CLCN5: variants seen among roughly 807,000 people sequenced by gnomAD.
The protein encoded by CLCN5 is H(+)/Cl(-) exchange transporter 5.
Under a neutral mutation model 54.0 loss-of-function variants are expected in CLCN5, and 17 were observed. The ratio of observed to expected loss-of-function variants is 0.31; its 90% CI spans 0.22 to 0.47. The LOEUF (loss-of-function observed/expected upper bound fraction) is 0.47, where lower values mean the gene tolerates loss of function less well. Ranked by LOEUF, CLCN5 falls within the 20% of genes least tolerant of loss-of-function variation. The pLI, the probability that CLCN5 is intolerant of heterozygous loss-of-function variation, is 1.00. For synonymous variants in CLCN5, 222 were observed against 233.0 expected (o/e 0.95, Z 0.43); for missense variants, 448 against 646.7 (o/e 0.69, Z 3.33).
At chrX:50,050,422 T>A (rs1299737418) in intron 4 of CLCN5, 7 of 111,406 alleles carry the variant, frequency 6.3e-5, no homozygotes, top group Non-Finnish European at 1.1e-4. Context: ...AGGTATGTAG[T>A]GGTATCTCAT....
At position 49,961,559 on chromosome X, in the gene CLCN5, G is replaced by T. The variant is rs782009956; in HGVS notation, c.16+36245G>T. Among the ~76,000 whole-genome samples the T allele has an allele frequency of 3.8e-4, 42 of 111,725 alleles. No individual in the cohort carries two copies. The South Asian group carries it at 0.016, about 42-fold the overall frequency. ...TTACACTATTGCCTTCTATAATCGA[G>T]TGCCAGATGCCATCTCACCAGCTCT... On this transcript the variant is annotated intron_variant, in intron 3 of 14. Transcript: ENST00000376091.
At chrX:50,051,417 A>G (rs1287386114) in intron 4 of CLCN5, among the ~76,000 whole-genome samples, 1 of 112,156 alleles carries the variant, frequency 8.9e-6, no homozygotes, top group African/African-American at 3.2e-5. Context: ...TGTCCTGATT[A>G]CTATGGCTTT....
chrX:50,009,811 C>G (rs1557182215), intron 3 of CLCN5: 2 of 384,234 alleles, frequency 5.2e-6, no homozygotes, highest in Admixed American at 5.1e-5. Flanking sequence ...TGAGCCCCCT[C>G]TGCGTGGAGA....
At chrX:49,960,044 C>A (rs1195759896) in intron 3 of CLCN5, among the ~76,000 whole-genome samples, 1 of 111,267 alleles carries the variant, frequency 9.0e-6, no homozygotes, top group African/African-American at 3.3e-5. Flanking sequence ...ACCTCTTTGA[C>A]ATCATCATCA....
intron 3 of CLCN5, among the ~76,000 whole-genome samples, chrX:50,005,610 C>T (rs1485409491): frequency 3.6e-5 from 4 of 111,771 alleles, no homozygotes; most frequent in African/African-American, 1.3e-4. Flanking sequence ...TTATAATAAA[C>T]TCATAGATTT....
intron 7 of CLCN5, among the ~76,000 whole-genome samples, chrX:50,078,120 C>T (rs1470382754): frequency 7.3e-5 from 8 of 110,111 alleles, no homozygotes; most frequent in Non-Finnish European, 1.3e-4. Flanking sequence ...GAGGGAGGAT[C>T]CCTCGGGGCC....
intron 3 of CLCN5, among the ~76,000 whole-genome samples, chrX:49,948,281 C>T (rs781876986): frequency 9.1e-6 from 1 of 109,927 alleles, no homozygotes; most frequent in Non-Finnish European, 1.9e-5. Context: ...CATCCTCAGA[C>T]GTAACCACCA....
At chrX:50,073,284 G>A (rs1557191715) in intron 6 of CLCN5, among the ~76,000 whole-genome samples, 1 of 111,839 alleles carries the variant, frequency 8.9e-6, no homozygotes, top group Non-Finnish European at 1.9e-5. Context: ...TTAAAGGATA[G>A]GGCCTAGGCA....
intron 3 of CLCN5, among the ~76,000 whole-genome samples, chrX:49,938,529 G>A (rs1265526783): frequency 9.0e-6 from 1 of 111,564 alleles, no homozygotes; most frequent in African/African-American, 3.3e-5. Flanking sequence ...ACGAAAACAA[G>A]CAATGGGGAA....
At chrX:49,998,320 A>G (rs1271126887) in intron 3 of CLCN5, among the ~76,000 whole-genome samples, 5 of 111,632 alleles carry the variant, frequency 4.5e-5, no homozygotes, top group Non-Finnish European at 7.5e-5. Context: ...TCCTGTTTGC[A>G]TATTCCTGCT....
At chrX:50,013,334 C>T (rs1342689893) in intron 3 of CLCN5, 2 of 365,390 alleles carry the variant, frequency 5.5e-6, no homozygotes, top group African/African-American at 2.7e-5. Flanking sequence ...GCCTTGTCAT[C>T]GTGAATCTTC....
intron 9 of CLCN5, among the ~76,000 whole-genome samples, chrX:50,084,773 T>G (rs2147590940): frequency 8.9e-6 from 1 of 112,187 alleles, no homozygotes; most frequent in East Asian, 2.8e-4. Flanking sequence ...GGCAACCTTT[T>G]TTGTCTTATG....
At chrX:50,088,636 C>G in intron 11 of CLCN5, 62 bp from the exon 12 acceptor site, 1 of 1,084,597 alleles carries the variant, frequency 9.2e-7, no homozygotes. Context: ...TCCTCCAGCC[C>G]TTACCATGTG....
At chrX:50,003,275 G>T in intron 3 of CLCN5, 1 of 370,294 alleles carries the variant, frequency 2.7e-6, no homozygotes. Context: ...TGAGCACATG[G>T]ACAGGTACAC....
Position 49,997,774 on chromosome X carries a change from G to A in CLCN5, c.17-44542G>A, listed in dbSNP as rs561020424. On this transcript the variant is annotated intron_variant, in intron 3 of 14. Coordinates refer to ENST00000376091, the MANE Select transcript of CLCN5 (RefSeq NM_001127898.4). ...TGGCTCAAGTGATCATCTTGCCTCA[G>A]CCTCCCAAAGTGCTGGGATTACAGG... Among the ~76,000 whole-genome samples the A allele has an allele frequency of 8.2e-4, 90 of 109,278 alleles. 1 individual carries two copies. Among genetic ancestry groups the A allele is most frequent in the African/African-American group, 2.9e-3 (87 of 29,971 alleles). 94.9% of individuals were successfully genotyped at this position (109,278 alleles called of 115,157 possible).
At chrX:49,936,266 A>G (rs782538094) in intron 3 of CLCN5, among the ~76,000 whole-genome samples, 12 of 111,609 alleles carry the variant, frequency 1.1e-4, no homozygotes, top group East Asian at 2.8e-4. Context: ...TACATATTCA[A>G]TGTGTCTCTT....
intron 3 of CLCN5, among the ~76,000 whole-genome samples, chrX:49,942,552 C>T (rs1034322747): frequency 8.9e-5 from 9 of 101,316 alleles, no homozygotes; most frequent in South Asian, 5.1e-4. Context: ...ATCCCTCCCC[C>T]CTCCCCCCTA....
At chrX:49,972,112 GGTGTGTGTGTGTGTGTGTGTGTGTGTGT>G (rs61157983) in intron 3 of CLCN5, among the ~76,000 whole-genome samples, 2 of 86,591 alleles carry the variant, frequency 2.3e-5, no homozygotes, top group Admixed American at 1.4e-4. Context: ...TGCATTCTCT[GGTGTGTGTGTGTGTGTGTGTGTGTGTGT>G]GTGTGTGTGT....
chrX:49,924,046 A>T (rs1292598330), intron 2 of CLCN5, among the ~76,000 whole-genome samples: 2 of 111,984 alleles, frequency 1.8e-5, no homozygotes, highest in African/African-American at 6.5e-5. Flanking sequence ...AGACCAGTTT[A>T]TTAACTGAGA....
Sources: allele counts gnomAD v4.1 joint callset (sites outside exome capture counted in the v4.1 genomes callset), GRCh38; gene constraint gnomAD v4.1.1; transcripts MANE v1.5; gene names NCBI Gene and HGNC (gene_info 2026-07-23, HGNC 2026-07-21).